SCHIP1: variants seen among roughly 807,000 people sequenced by gnomAD.
The protein encoded by SCHIP1 is schwannomin-interacting protein 1.
Under a neutral mutation model 29.7 loss-of-function variants are expected in SCHIP1, and 8 were observed. The ratio of observed to expected loss-of-function variants is 0.27; its 90% CI spans 0.16 to 0.49. The LOEUF (loss-of-function observed/expected upper bound fraction) is 0.49. Ranked by LOEUF, SCHIP1 falls within the 20% of genes least tolerant of loss-of-function variation. SCHIP1 has a pLI of 0.99. For synonymous variants in SCHIP1, 76 were observed against 94.9 expected (o/e 0.80, Z 1.16); for missense variants, 193 against 294.6 (o/e 0.66, Z 2.52).
the SCHIP1 span, among the ~76,000 whole-genome samples, chr3:159,645,687 A>G: frequency 6.6e-6 from 1 of 152,114 alleles, no homozygotes; most frequent in Non-Finnish European, 1.5e-5. Context: ...ATCCAGGAAA[A>G]AGATGTCTAT....
chr3:159,849,585 A>C (rs1642385258), intron 1 of SCHIP1, among the ~76,000 whole-genome samples: 1 of 152,162 alleles, frequency 6.6e-6, no homozygotes, highest in Admixed American at 6.5e-5. Flanking sequence ...ACTGTGAAAG[A>C]GCCATTTGTA....
the SCHIP1 span, among the ~76,000 whole-genome samples, chr3:159,750,292 T>TAC: frequency 1.9e-4 from 26 of 136,228 alleles, no homozygotes; most frequent in African/African-American, 5.4e-4. Context: ...TATATATATA[T>TAC]ATATACACAC....
At chr3:159,301,089 A>G in the SCHIP1 span, among the ~76,000 whole-genome samples, 1 of 152,206 alleles carries the variant, frequency 6.6e-6, no homozygotes, top group South Asian at 2.1e-4. Flanking sequence ...TAGTACATAT[A>G]TGTACATATA....
chr3:159,376,073 T>G, the SCHIP1 span, among the ~76,000 whole-genome samples: 2,473 of 152,152 alleles, frequency 0.016, 57 homozygotes, highest in African/African-American at 0.056. Context: ...CCCAATGTTG[T>G]GTGGTATATG....
chr3:159,539,250 A>ATTT, the SCHIP1 span, among the ~76,000 whole-genome samples: 11 of 83,426 alleles, frequency 1.3e-4, no homozygotes, highest in East Asian at 5.5e-4. Flanking sequence ...TTTTCAAAGA[A>ATTT]CTTAGGGTTA....
At chr3:159,795,757 C>T in the SCHIP1 span, among the ~76,000 whole-genome samples, 4 of 152,080 alleles carry the variant, frequency 2.6e-5, no homozygotes, top group African/African-American at 9.7e-5. Context: ...ATATTCCAGG[C>T]AGAGGGAACA....
At chr3:159,445,492 A>G in the SCHIP1 span, among the ~76,000 whole-genome samples, 7 of 151,994 alleles carry the variant, frequency 4.6e-5, no homozygotes, top group East Asian at 7.8e-4. Context: ...ATCTAGAACT[A>G]GAAATACCAT....
chr3:159,590,490 C>A, the SCHIP1 span, among the ~76,000 whole-genome samples: 1 of 151,986 alleles, frequency 6.6e-6, no homozygotes, highest in Non-Finnish European at 1.5e-5. Flanking sequence ...GCAGAAGAAT[C>A]GCTTGAACCC....
intron 1 of SCHIP1, among the ~76,000 whole-genome samples, chr3:159,847,139 G>A (rs1711950487): frequency 6.6e-6 from 1 of 152,132 alleles, no homozygotes; most frequent in South Asian, 2.1e-4. Flanking sequence ...ATTTATTCTT[G>A]GAAAGGATGG....
At chr3:159,610,805 T>C in the SCHIP1 span, among the ~76,000 whole-genome samples, 1 of 152,060 alleles carries the variant, frequency 6.6e-6, no homozygotes, top group African/African-American at 2.4e-5. Context: ...CATGGAGATA[T>C]AAAATTCTGG....
chr3:159,322,736 T>C, the SCHIP1 span, among the ~76,000 whole-genome samples: 1 of 152,322 alleles, frequency 6.6e-6, no homozygotes, highest in East Asian at 1.9e-4. Context: ...AATCTGCACT[T>C]TTAACATCCT....
At chr3:159,811,441 ATTCATTTTGAG>A in the SCHIP1 span, among the ~76,000 whole-genome samples, 2 of 152,122 alleles carry the variant, frequency 1.3e-5, no homozygotes, top group Non-Finnish European at 2.9e-5. Flanking sequence ...TTGGCATATG[ATTCATTTTGAG>A]TTCATTTTTG....
chr3:159,400,271 T>A, the SCHIP1 span, among the ~76,000 whole-genome samples: 1 of 152,186 alleles, frequency 6.6e-6, no homozygotes, highest in Non-Finnish European at 1.5e-5. Flanking sequence ...CTTGTGAGAA[T>A]TGAGGAAAGG....
the SCHIP1 span, among the ~76,000 whole-genome samples, chr3:159,502,418 A>G: frequency 6.6e-6 from 1 of 152,202 alleles, no homozygotes; most frequent in South Asian, 2.1e-4. Context: ...TTTGCTTCCA[A>G]ATCCAATCGA....
the SCHIP1 span, among the ~76,000 whole-genome samples, chr3:159,651,014 T>G: frequency 6.6e-6 from 1 of 152,186 alleles, no homozygotes; most frequent in African/African-American, 2.4e-5. Flanking sequence ...CTTTCTAATC[T>G]ATACAGTAAG....
chr3:159,494,625 C>CA, the SCHIP1 span, among the ~76,000 whole-genome samples: 3 of 152,050 alleles, frequency 2.0e-5, no homozygotes, highest in African/African-American at 7.2e-5. Flanking sequence ...GCTTACTGAC[C>CA]AAAAAAAGTC....
the SCHIP1 span, among the ~76,000 whole-genome samples, chr3:159,780,677 C>T: frequency 6.6e-6 from 1 of 152,198 alleles, no homozygotes; most frequent in African/African-American, 2.4e-5. Context: ...GCATCTTGTC[C>T]ACACACCCTC....
intron 1 of SCHIP1, among the ~76,000 whole-genome samples, chr3:159,860,045 A>C (rs1183894597): frequency 6.6e-6 from 1 of 151,606 alleles, no homozygotes; most frequent in Non-Finnish European, 1.5e-5. Context: ...GTGCACATGC[A>C]TGCTCCTCCC....
the SCHIP1 span, among the ~76,000 whole-genome samples, chr3:159,645,568 A>C: frequency 2.0e-5 from 3 of 152,148 alleles, no homozygotes; most frequent in Non-Finnish European, 4.4e-5. Context: ...TACCTCTACC[A>C]GGCACCCTCT....
Sources: gnomAD v4.1 joint callset for allele counts (sites outside exome capture counted in the v4.1 genomes callset) on GRCh38, gnomAD v4.1.1 for gene constraint, MANE v1.5 for transcripts, NCBI Gene and HGNC (gene_info 2026-07-23, HGNC 2026-07-21) for gene names.